BAG6: variants seen among roughly 807,000 people sequenced by gnomAD.
The protein encoded by BAG6 is large proline-rich protein BAG6.
Under a neutral mutation model 121.0 loss-of-function variants are expected in BAG6, and 22 were observed. The ratio of observed to expected loss-of-function variants is 0.18; its 90% CI spans 0.13 to 0.26. BAG6 has a LOEUF of 0.26. BAG6 is among the 10% of genes least tolerant of loss of function. The pLI is 1.00. For missense variants in BAG6, 1,233 were observed against 1,537.7 expected, an observed-to-expected ratio of 0.80 and a Z score of 3.31; for synonymous variants, 583 against 584.6, an observed-to-expected ratio of 1.00 and a Z score of 0.04.
rs1779301888 is a variant in BAG6 at position 31,639,038 on chromosome 6, G to A, written c.*93C>T. On this transcript the variant is annotated 3_prime_UTR_variant, in exon 26 of 26. Transcript: ENST00000676615. ...CTAATGGAGACAATGTAGAGAGAAA[G>A]CAGCCAGAAAAATCCGACTTTTATT... 4.9e-6 allele frequency: 5 copies of A among 1,011,764 alleles called. No individual in the cohort carries two copies. The highest frequency in any genetic ancestry group is 7.3e-6 in the Non-Finnish European group (5 of 684,640). 62.7% of individuals were successfully genotyped at this position (1,011,764 alleles called of 1,614,324 possible).
intron 2 of BAG6, among the ~76,000 whole-genome samples, chr6:31,651,153 G>A (rs946501312): frequency 2.0e-5 from 3 of 152,202 alleles, no homozygotes; most frequent in Admixed American, 6.5e-5. Context: ...TCTGCATTAA[G>A]TTCTATCCAT....
rs147925659 is a variant in BAG6, at chr6:31,647,672, C to T, written c.707G>A (p.Arg236His). The change falls in exon 7 of 26, where the codon CGT (arginine) becomes CAT (histidine). Residue 236 changes from arginine to histidine, a missense_variant. By Grantham distance (29) the Arg-to-His change is conservative. Coordinates refer to ENST00000676615, the MANE Select transcript of BAG6 (RefSeq NM_001387994.1). ...EPMEAEEVEERAPAQNPELTP... is the reference protein window; with the variant it reads ...EPMEAEEVEEHAPAQNPELTP... ...GAGCTCCGGGTTCTGGGCTGGGGCA[C>T]GCTCCTCCACTTCTTCTGCCTCCAT... 29 of 1,604,132 alleles carry T rather than the reference C, an allele frequency of 1.8e-5. No individual in the cohort carries two copies. In the African/African-American group the frequency reaches 2.6e-4, roughly 14 times the overall value.
rs933933584 is a variant in BAG6, at chr6:31,649,632, AAAG to A, written c.109-8_109-6del. 4 of 1,610,540 alleles carry A rather than the reference AAAG, an allele frequency of 2.5e-6. No homozygotes were observed. Among genetic ancestry groups the A allele is most frequent in the African/African-American group, 2.7e-5 (2 of 74,850 alleles). ...CTTAAACTCTTTTACATTCATCTGAAAAGAAGAGGCATGCACAGGAATGGAAAG... is the reference window on the plus strand; with the variant it reads ...CTTAAACTCTTTTACATTCATCTGAAAAGAGGCATGCACAGGAATGGAAAG... On this transcript the variant is annotated splice_region_variant and splice_polypyrimidine_tract_variant and intron_variant, in intron 2 of 25. Coordinates refer to ENST00000676615, the MANE Select transcript of BAG6 (RefSeq NM_001387994.1).
intron 7 of BAG6, 76 bp from the exon 8 acceptor site, chr6:31,646,599 G>T: frequency 6.4e-7 from 1 of 1,558,176 alleles, no homozygotes; most frequent in Non-Finnish European, 8.7e-7. Flanking sequence ...GGGACCACAT[G>T]TGCCCTCTTT....
intron 14 of BAG6, 118 bp from the exon 15 acceptor site, chr6:31,643,233 A>G (rs953056684): frequency 5.1e-6 from 5 of 972,774 alleles, no homozygotes; most frequent in African/African-American, 1.7e-5. Context: ...TAGGCCACAT[A>G]GCAAGACCCC....
intron 2 of BAG6, 36 bp from the exon 3 acceptor site, chr6:31,649,663 T>A: frequency 1.3e-6 from 2 of 1,574,916 alleles, no homozygotes; most frequent in Non-Finnish European, 1.7e-6. Flanking sequence ...ATGGAAAGAA[T>A]GGAGGAAAGA....
chr6:31,650,219 G>A (rs970776589), intron 2 of BAG6, among the ~76,000 whole-genome samples: 4 of 151,882 alleles, frequency 2.6e-5, no homozygotes, highest in African/African-American at 9.7e-5. Flanking sequence ...ATCCAAGGGA[G>A]TATGTGTCTA....
chr6:31,645,891 C>T (rs1272275902), intron 8 of BAG6, among the ~76,000 whole-genome samples: 2 of 152,220 alleles, frequency 1.3e-5, no homozygotes, highest in Non-Finnish European at 2.9e-5. Context: ...GATACGAGGA[C>T]AGTGCTTACA....
chr6:31,643,421 TA>T (rs36064845), intron 14 of BAG6, among the ~76,000 whole-genome samples: 13 of 142,170 alleles, frequency 9.1e-5, no homozygotes, highest in South Asian at 4.5e-4. Flanking sequence ...CTCTGTAACT[TA>T]AAAAAAAAAG....
At chr6:31,648,586 G>A in intron 6 of BAG6, 91 bp downstream of exon 6, 5 of 1,272,828 alleles carry the variant, frequency 3.9e-6, no homozygotes, top group Non-Finnish European at 4.5e-6. Context: ...GCCAAACCCT[G>A]TGGATGTGGC....
Position 31,645,498 on chromosome 6 carries a change from G to A in BAG6, c.1025C>T (p.Ala342Val), listed in dbSNP as rs1237896711. The change falls in exon 9 of 26, where the codon GCC becomes GTC. Residue 342 changes from alanine (A) to valine (V), a missense_variant. By Grantham distance (64) the Ala-to-Val change is moderately conservative. This residue lies in a region of BAG6 where 777 missense variants were observed against 861.4 expected (regional missense o/e 0.90). Transcript: ENST00000676615. ...VALSDLRCNL[A>V]CTPPRHLHVV... is the part of the protein sequence containing the mutation. ...ATGCAGGTGTCGTGGGGGCGTGCAGGCCAGATTGCAGCGCAGGTCAGACAG... is the reference window on the plus strand; with the variant it reads ...ATGCAGGTGTCGTGGGGGCGTGCAGACCAGATTGCAGCGCAGGTCAGACAG... 1 of 1,613,014 alleles carries A rather than the reference G, an allele frequency of 6.2e-7. No individual in the cohort carries two copies. The highest frequency in any genetic ancestry group is 1.3e-5 in the African/African-American group (1 of 74,932).
rs1783141754 is a variant in BAG6, at chr6:31,641,833, T to A, written c.2448A>T (p.Arg816=). 6.2e-7 allele frequency: 1 copy of A among 1,613,088 alleles called. No homozygotes were observed. The highest frequency in any genetic ancestry group is 1.1e-5 in the South Asian group (1 of 91,074). Reference sequence around the variant, plus strand: ...CCAGGTAGTGCTGGTGGAAGAAGGATCGCAGCTGGGGCTGGAGCCGTTGTA... The same window carrying A: ...CCAGGTAGTGCTGGTGGAAGAAGGAACGCAGCTGGGGCTGGAGCCGTTGTA... ...QPLQRLQPQL[R]SFFHQHYLGG... The change falls in exon 17 of 26, where the codon CGA becomes CGT. Residue 816 remains arginine (R), a synonymous_variant. Coordinates refer to ENST00000676615, the MANE Select transcript of BAG6 (RefSeq NM_001387994.1). This position sits in a 1 kb window ranked among gnomAD's most constrained non-coding sequence, Gnocchi z 5.7.
rs1356499305 is a variant in BAG6, at chr6:31,641,777, C to T, written c.2504G>A (p.Arg835Gln). The change falls in exon 17 of 26, where the codon CGG becomes CAG. Residue 835 changes from arginine to glutamine, a missense_variant and splice_region_variant. Physicochemically the swap from Arg to Gln is conservative, Grantham distance 43. Transcript: ENST00000676615. This position sits in a 1 kb window ranked among gnomAD's most constrained non-coding sequence, Gnocchi z 5.7. ...GGQEPTPSNI[R>Q]MATHTLITGL... Reference sequence around the variant, plus strand: ...CTGGGGCCCCTGGCCTTCATTTACCCGGATGTTACTGGGTGTGGGCTCCTG... The same window carrying T: ...CTGGGGCCCCTGGCCTTCATTTACCTGGATGTTACTGGGTGTGGGCTCCTG... 36 of 1,612,962 alleles carry T rather than the reference C, an allele frequency of 2.2e-5. No homozygotes were observed. The highest frequency in any genetic ancestry group is 2.5e-5 in the Non-Finnish European group (30 of 1,179,866).
chr6:31,652,320 AACACACAC>A (rs879204976), intron 1 of BAG6, 96 bp downstream of exon 1: 2,104 of 121,784 alleles, frequency 0.017, 61 homozygotes, highest in African/African-American at 0.056. Context: ...CCCACAGCCA[AACACACAC>A]ACACACACAC....
Position 31,648,895 on chromosome 6 carries a change from G to T in BAG6, c.477+16C>A, listed in dbSNP as rs377128262. 6.5e-7 allele frequency: 1 copy of T among 1,544,728 alleles called. No individual in the cohort carries two copies. The highest frequency in any genetic ancestry group is 8.7e-7 in the Non-Finnish European group (1 of 1,146,332). On this transcript the variant is annotated intron_variant, in intron 5 of 25. Coordinates refer to ENST00000676615, the MANE Select transcript of BAG6 (RefSeq NM_001387994.1). ...TCCCAGATCCCCTTCCCTGACCCTC[G>T]GAGGCCCCTCAATACCTGAATCGGG...
At position 31,640,703 on chromosome 6, in the gene BAG6, G is replaced by A; in HGVS notation, c.2936C>T (p.Pro979Leu). The change falls in exon 22 of 26, where the codon CCA becomes CTA. Residue 979 changes from proline to leucine, a missense_variant and splice_region_variant. Around this residue, in one of 7 missense-constraint regions of BAG6, gnomAD observed 288 missense variants for 483.1 expected, o/e 0.60. Transcript: ENST00000676615. This position sits in a 1 kb window ranked among gnomAD's most constrained non-coding sequence, Gnocchi z 4.2. The stretch of plus-strand genomic sequence containing the variant: ...AACTTCCATTGGCTCCTCAGGAAGT[G>A]GCTGTGAAATTAAAGAACACCATAC... ...YVRRVGDPPQ[P>L]LPEEPMEVQG... is the part of the protein sequence containing the mutation. 6.2e-7 allele frequency: 1 copy of A among 1,612,946 alleles called. No individual in the cohort carries two copies. Among genetic ancestry groups the A allele is most frequent in the Non-Finnish European group, 8.5e-7 (1 of 1,180,006 alleles).
rs746547600 is a variant in BAG6 at position 31,639,484 on chromosome 6, T to G, written c.3393+16A>C. ...CCCTCCCACTAGACCATCCCTATTC[T>G]GCTTCAAGGTGGCACCTGCTGCCTG... On this transcript the variant is annotated intron_variant, in intron 25 of 25. Coordinates refer to ENST00000676615, the MANE Select transcript of BAG6 (RefSeq NM_001387994.1). 1.9e-6 allele frequency: 3 copies of G among 1,610,930 alleles called. No individual in the cohort carries two copies. The South Asian group carries it at 3.3e-5, about 18-fold the overall frequency.
Position 31,648,974 on chromosome 6 carries a change from G to A in BAG6, c.424-10C>T, listed in dbSNP as rs759031698. The stretch of plus-strand genomic sequence containing the variant: ...CAGCAGAGCCGTCACTCTGGGGAAA[G>A]GGTAAGGGAAGTTGTTCTGGGAGAA... On this transcript the variant is annotated splice_polypyrimidine_tract_variant and intron_variant, in intron 4 of 25. Transcript: ENST00000676615. The A allele has an allele frequency of 2.6e-6, 4 of 1,525,384 alleles. No individual in the cohort carries two copies. Among genetic ancestry groups the A allele is most frequent in the South Asian group, 2.6e-5 (2 of 75,524 alleles). The allele number at this position is 1,525,384 out of a possible 1,614,324, so 94.5% of individuals were successfully genotyped here. A position where few individuals can be genotyped will look rare whatever the true frequency, so the allele number is the denominator to read the frequency against.
intron 1 of BAG6, 121 bp from the exon 2 acceptor site, chr6:31,651,897 C>T: frequency 1.6e-6 from 1 of 633,788 alleles, no homozygotes; most frequent in East Asian, 2.7e-5. Context: ...CACACACATT[C>T]ACACCTGTCC....
Sources: allele counts gnomAD v4.1 joint callset (sites outside exome capture counted in the v4.1 genomes callset), GRCh38; gene constraint gnomAD v4.1.1; regional missense constraint gnomAD v4.1.1; non-coding constraint Gnocchi (gnomAD v3.1); transcripts MANE v1.5; gene names NCBI Gene and HGNC (gene_info 2026-07-23, HGNC 2026-07-21).